CSMD2: variants seen among roughly 807,000 people sequenced by gnomAD.
The protein encoded by CSMD2 is CUB and sushi domain-containing protein 2.
In CSMD2, 130 loss-of-function variants were observed where a neutral mutation model predicts 398.5. That is an observed-to-expected ratio of 0.33 (90% CI 0.28 to 0.38). The LOEUF (loss-of-function observed/expected upper bound fraction) is 0.38, where lower values mean the gene tolerates loss of function less well. CSMD2 is among the 10% of genes least tolerant of loss of function. The pLI, the probability that CSMD2 is intolerant of heterozygous loss-of-function variation, is 1.00. For missense variants in CSMD2, 3,829 were observed against 4,764.9 expected, an observed-to-expected ratio of 0.80 and a Z score of 5.78; for synonymous variants, 1,828 against 1,908.5, an observed-to-expected ratio of 0.96 and a Z score of 1.10.
At chr1:33,657,420 G>A (rs573907607) in intron 27 of CSMD2, among the ~76,000 whole-genome samples, 1 of 152,324 alleles carries the variant, frequency 6.6e-6, no homozygotes, top group Non-Finnish European at 1.5e-5. Context: ...GCTGCAGTGA[G>A]TTGTGATGGT....
intron 5 of CSMD2, among the ~76,000 whole-genome samples, chr1:33,866,353 A>C (rs1245451550): frequency 6.6e-6 from 1 of 152,226 alleles, no homozygotes; most frequent in Non-Finnish European, 1.5e-5. Flanking sequence ...ACTGCAAAGC[A>C]AGATGATGAA....
intron 10 of CSMD2, among the ~76,000 whole-genome samples, chr1:33,797,227 TTAA>T: frequency 6.6e-6 from 1 of 152,322 alleles, no homozygotes; most frequent in East Asian, 1.9e-4. Flanking sequence ...TTTGAAATCC[TTAA>T]TAAAACTTGC....
chr1:33,693,148 C>T (rs1645299898), intron 24 of CSMD2, 92 bp from the exon 25 acceptor site: 4 of 1,399,460 alleles, frequency 2.9e-6, no homozygotes, highest in Non-Finnish European at 3.8e-6. Context: ...GCTCTTGAGT[C>T]CCTTCCCTCT....
At position 33,791,113 on chromosome 1, in the gene CSMD2, C is replaced by T. The variant is rs77963427; in HGVS notation, c.1550+1310G>A. On this transcript the variant is annotated intron_variant, in intron 11 of 70. Transcript: ENST00000373381. Reference sequence around the variant, plus strand: ...AAAGAACAGCCTCAGGACAAGCCAGCTGTTACTAAATGGCCATTTTTCATT... The same window carrying T: ...AAAGAACAGCCTCAGGACAAGCCAGTTGTTACTAAATGGCCATTTTTCATT... 6.5e-3 allele frequency among the ~76,000 whole-genome samples: 993 copies of T among 152,272 alleles called. 15 individuals are homozygous for T. Among genetic ancestry groups the T allele is most frequent in the African/African-American group, 0.023 (945 of 41,542 alleles).
intron 10 of CSMD2, among the ~76,000 whole-genome samples, chr1:33,800,719 TCAGCAA>T (rs1037163696): frequency 1.3e-5 from 2 of 152,130 alleles, no homozygotes; most frequent in Admixed American, 1.3e-4. Flanking sequence ...GGGTTTGTCT[TCAGCAA>T]CAGAGAAGGT....
chr1:34,079,920 G>A (rs1439003691), intron 2 of CSMD2, among the ~76,000 whole-genome samples: 3 of 152,042 alleles, frequency 2.0e-5, no homozygotes, highest in African/African-American at 7.2e-5. Context: ...CAAAAAATAT[G>A]AGTGAACTAA....
chr1:33,813,326 C>G (rs1309487228), intron 9 of CSMD2: 1 of 152,096 alleles, frequency 6.6e-6, no homozygotes, highest in African/African-American at 2.4e-5. Context: ...TACTTTTTTC[C>G]TCTGCTATCT....
chr1:34,031,705 A>G (rs1650449016), intron 3 of CSMD2, among the ~76,000 whole-genome samples: 1 of 143,138 alleles, frequency 7.0e-6, no homozygotes, highest in Non-Finnish European at 1.5e-5. Flanking sequence ...CTGTATTGCT[A>G]TAGCTTCTTC....
chr1:33,739,273 G>T lies in CSMD2; in HGVS notation c.2235C>A (p.Asp745Glu), dbSNP rs571108042. 3 of 1,614,180 alleles carry T rather than the reference G, an allele frequency of 1.9e-6. No homozygotes were observed. The highest frequency in any genetic ancestry group is 2.5e-6 in the Non-Finnish European group (3 of 1,180,012). The change falls in exon 15 of 71, where the codon GAC becomes GAA. Residue 745 changes from aspartate to glutamate, a missense_variant. Transcript: ENST00000373381. The stretch of plus-strand genomic sequence containing the variant: ...AGATGGAGCTGCCCAGCTGGAGGCT[G>T]TCCCCAAACCGTTTGCCATTTACTG... The part of the protein sequence containing the change: ...GVPVNGKRFG[D>E]SLQLGSSISF...
At chr1:34,019,052 C>A (rs1049190464) in intron 3 of CSMD2, among the ~76,000 whole-genome samples, 11 of 152,170 alleles carry the variant, frequency 7.2e-5, no homozygotes, top group Admixed American at 6.5e-4. Flanking sequence ...TGACCTCAAG[C>A]AAGTTACTTA....
intron 3 of CSMD2, among the ~76,000 whole-genome samples, chr1:34,020,505 T>C (rs188732644): frequency 6.6e-6 from 1 of 152,136 alleles, no homozygotes; most frequent in South Asian, 2.1e-4. Context: ...CTCAAGGAGA[T>C]GCCCCAGCGT....
chr1:33,670,470 A>T (rs1451894223), intron 25 of CSMD2, among the ~76,000 whole-genome samples: 1 of 152,108 alleles, frequency 6.6e-6, no homozygotes, highest in Non-Finnish European at 1.5e-5. Context: ...CCTATATACT[A>T]AGGAGGATAC....
At chr1:34,063,739 T>G (rs2148272370) in intron 2 of CSMD2, among the ~76,000 whole-genome samples, 1 of 152,290 alleles carries the variant, frequency 6.6e-6, no homozygotes, top group South Asian at 2.1e-4. Context: ...GGCCCTCTTC[T>G]CACAGCTCCA....
chr1:33,903,383 C>A (rs769970273), intron 5 of CSMD2, among the ~76,000 whole-genome samples: 73 of 150,450 alleles, frequency 4.9e-4, no homozygotes, highest in Non-Finnish European at 8.7e-4. Context: ...AATTTAAGAT[C>A]CTTTCTAGCA....
At chr1:34,045,921 A>C (rs1361210495) in intron 2 of CSMD2, among the ~76,000 whole-genome samples, 2 of 152,254 alleles carry the variant, frequency 1.3e-5, no homozygotes, top group Non-Finnish European at 2.9e-5. Context: ...GAAAAAAATA[A>C]GTAATTTTGG....
intron 32 of CSMD2, among the ~76,000 whole-genome samples, chr1:33,627,976 A>G (rs951176551): frequency 6.6e-6 from 1 of 152,222 alleles, no homozygotes; most frequent in Middle Eastern, 3.2e-3. Flanking sequence ...ACATAAGAAA[A>G]AATGTTAAAG....
chr1:34,116,415 G>T (rs146438479), intron 1 of CSMD2, among the ~76,000 whole-genome samples: 4 of 151,834 alleles, frequency 2.6e-5, no homozygotes, highest in African/African-American at 9.6e-5. Context: ...ATTGTATAAT[G>T]AAAAAAGGGT....
chr1:33,614,015 T>C (rs1641218131), intron 40 of CSMD2, among the ~76,000 whole-genome samples: 1 of 152,206 alleles, frequency 6.6e-6, no homozygotes. Flanking sequence ...AGAATGTGCA[T>C]ACGAAGAAGA....
chr1:33,619,988 G>C (rs1321222024), intron 37 of CSMD2, among the ~76,000 whole-genome samples: 1 of 152,188 alleles, frequency 6.6e-6, no homozygotes, highest in African/African-American at 2.4e-5. Context: ...CAGTGATGGA[G>C]AGAAGAGCAG....
Sources: gnomAD v4.1 joint callset for allele counts (sites outside exome capture counted in the v4.1 genomes callset) on GRCh38, gnomAD v4.1.1 for gene constraint, MANE v1.5 for transcripts, NCBI Gene and HGNC (gene_info 2026-07-23, HGNC 2026-07-21) for gene names.